Variants in KCNG2 observed in about 807,000 individuals in gnomAD.
KCNG2 encodes potassium voltage-gated channel modifier subfamily G member 2.
A neutral mutation model predicts 12.3 loss-of-function variants in KCNG2; 7 were observed. The observed-to-expected ratio is 0.57, with a 90% confidence interval of 0.32 to 1.07. KCNG2 has a LOEUF of 1.07. Among genes scored for constraint, KCNG2 ranks in the 50% least tolerant of loss-of-function variants. The probability of loss-of-function intolerance (pLI) is 0.04; values close to 1 mark genes in which losing one functional copy is unlikely to be tolerated. For synonymous variants in KCNG2, 414 were observed against 351.4 expected (o/e 1.18, Z -1.99); for missense variants, 703 against 726.0 (o/e 0.97, Z 0.36).
intron 2 of KCNG2, among the ~76,000 whole-genome samples, chr18:79,862,885 C>T (rs1331155285): frequency 6.6e-6 from 1 of 152,206 alleles, no homozygotes; most frequent in Non-Finnish European, 1.5e-5. Flanking sequence ...TCAAAGAGTC[C>T]TGTAGCTTCT....
intron 3 of KCNG2, among the ~76,000 whole-genome samples, chr18:79,882,392 A>G (rs1980332387): frequency 7.4e-6 from 1 of 135,800 alleles, no homozygotes; most frequent in Non-Finnish European, 1.7e-5. Context: ...TGTTAAGAGA[A>G]TGAAAAAACA....
chr18:79,867,781 A>AC (rs1979665607), intron 3 of KCNG2, among the ~76,000 whole-genome samples: 1 of 151,708 alleles, frequency 6.6e-6, no homozygotes, highest in Non-Finnish European at 1.5e-5. Context: ...GGGGTCGGGC[A>AC]CCCCTCCCCT....
chr18:79,877,870 C>T lies in KCNG2; in HGVS notation c.624+13579C>T, dbSNP rs563555529. On this transcript the variant is annotated intron_variant, in intron 3 of 3. Coordinates refer to ENST00000316249, the MANE Select transcript of KCNG2 (RefSeq NM_012283.2). ...CCCAGCCCACTTAGTTTTTCAAAGG[C>T]GGCTGGTCACGGTCCCTGTGCCTGC... Among the ~76,000 whole-genome samples, 57 of 152,358 alleles carry T rather than the reference C, an allele frequency of 3.7e-4. 1 individual carries two copies. Among genetic ancestry groups the T allele is most frequent in the Middle Eastern group, 3.4e-3 (1 of 294 alleles).
intron 3 of KCNG2, among the ~76,000 whole-genome samples, chr18:79,869,732 A>ATTT (rs1173173672): frequency 1.1e-4 from 16 of 152,144 alleles, no homozygotes; most frequent in African/African-American, 3.9e-4. Context: ...ACCAAATCCT[A>ATTT]AACATCTGTG....
intron 1 of KCNG2, among the ~76,000 whole-genome samples, chr18:79,843,314 T>C (rs939611481): frequency 1.3e-5 from 2 of 152,006 alleles, no homozygotes; most frequent in African/African-American, 4.8e-5. Context: ...GCTTAGGGAG[T>C]TTATCACCAC....
In KCNG2 at chr18:79,818,040, C is replaced by T. The variant is rs548153732; in HGVS notation, c.-115+20026C>T. Among the ~76,000 whole-genome samples, 46 of 152,350 alleles carry T rather than the reference C, an allele frequency of 3.0e-4. 2 individuals carry two copies. In the South Asian group the frequency reaches 9.3e-3, roughly 31 times the overall value. ...CCTCGCCAGGTGGGCAGGAGCCTGC[C>T]CCTCGCCCCAGGACAGACGGCCAAG... On this transcript the variant is annotated intron_variant, in intron 1 of 3. Coordinates refer to ENST00000316249, the MANE Select transcript of KCNG2 (RefSeq NM_012283.2).
chr18:79,879,405 GGGAAACACA>G (rs1415555710), intron 3 of KCNG2, among the ~76,000 whole-genome samples: 6 of 152,194 alleles, frequency 3.9e-5, no homozygotes, highest in Non-Finnish European at 5.9e-5. Context: ...ATGGGGCTTG[GGGAAACACA>G]GGAAACATCA....
chr18:79,799,445 T>A (rs2087390697), intron 1 of KCNG2, among the ~76,000 whole-genome samples: 1 of 152,212 alleles, frequency 6.6e-6, no homozygotes, highest in Admixed American at 6.5e-5. Flanking sequence ...TTGCCGGGCT[T>A]TCTTAGGGAA....
At chr18:79,809,876 G>A (rs2087481311) in intron 1 of KCNG2, among the ~76,000 whole-genome samples, 1 of 152,228 alleles carries the variant, frequency 6.6e-6, no homozygotes, top group Admixed American at 6.5e-5. Flanking sequence ...CATTGTTGCC[G>A]GTTTTAAAGC....
At chr18:79,828,878 GTGTA>G (rs1303449310) in intron 1 of KCNG2, among the ~76,000 whole-genome samples, 18 of 142,248 alleles carry the variant, frequency 1.3e-4, no homozygotes, top group Non-Finnish European at 2.1e-4. Context: ...CTATGTGTGC[GTGTA>G]TGTAACATGT....
intron 1 of KCNG2, among the ~76,000 whole-genome samples, chr18:79,834,507 GAAAAAGAC>G (rs1285001923): frequency 1.3e-5 from 2 of 152,174 alleles, no homozygotes; most frequent in African/African-American, 4.8e-5. Flanking sequence ...AAAGGAATGA[GAAAAAGAC>G]AGTTTGAGAG....
chr18:79,898,436 T>A (rs1463833766), intron 3 of KCNG2, among the ~76,000 whole-genome samples: 1 of 152,184 alleles, frequency 6.6e-6, no homozygotes, highest in Non-Finnish European at 1.5e-5. Context: ...GAGTGGGGAC[T>A]GGGCAGGAGG....
In KCNG2 at chr18:79,864,093, G is replaced by T; in HGVS notation, c.426G>T (p.Ala142=). ...GCGCGGGGCCGACGGAGCGCGGGGC[G>T]CAGGGGAGCCCGGCGCGCGCCCTGG... The part of the protein sequence containing the change: ...EARAGPTERG[A]QGSPARALGP... The change falls in exon 3 of 4, where the codon GCG becomes GCT. Residue 142 remains alanine, a synonymous_variant. Coordinates refer to ENST00000316249, the MANE Select transcript of KCNG2 (RefSeq NM_012283.2). 9.2e-7 allele frequency: 1 copy of T among 1,088,834 alleles called. No homozygotes were observed. Among genetic ancestry groups the T allele is most frequent in the South Asian group, 3.8e-5 (1 of 26,356 alleles). The allele number at this position is 1,088,834 out of a possible 1,614,324, so 67.4% of individuals were successfully genotyped here.
In KCNG2 at chr18:79,884,767, G is replaced by T. The variant is rs1193845093; in HGVS notation, c.625-14273G>T. On this transcript the variant is annotated intron_variant, in intron 3 of 3. Transcript: ENST00000316249. The surrounding 1 kb of genome is among the most constrained non-coding windows in gnomAD (Gnocchi z 5.5). ...CGCCCGGCTCTGTGTTCCTCGGGGG[G>T]GCTCATCCTGGGGCCCAGGAACTCG... 2.6e-5 allele frequency among the ~76,000 whole-genome samples: 4 copies of T among 152,184 alleles called. No homozygotes were observed. The highest frequency in any genetic ancestry group is 7.2e-5 in the African/African-American group (3 of 41,450).
intron 2 of KCNG2, among the ~76,000 whole-genome samples, chr18:79,857,744 C>A (rs1201451133): frequency 1.3e-5 from 2 of 152,058 alleles, no homozygotes; most frequent in Non-Finnish European, 2.9e-5. Context: ...GAGACCTACT[C>A]ACTCAGAATG....
At chr18:79,841,901 C>T (rs1216164027) in intron 1 of KCNG2, among the ~76,000 whole-genome samples, 1 of 152,206 alleles carries the variant, frequency 6.6e-6, no homozygotes, top group Non-Finnish European at 1.5e-5. Context: ...TACCACTCTT[C>T]CCCCAAGTCC....
At chr18:79,843,777 T>C (rs1978537636) in intron 1 of KCNG2, among the ~76,000 whole-genome samples, 1 of 152,004 alleles carries the variant, frequency 6.6e-6, no homozygotes, top group Non-Finnish European at 1.5e-5. Flanking sequence ...ATGAAAAAAT[T>C]ATCGCATCAC....
chr18:79,857,048 C>CCACCCCCCCACAGCCGCCCCCGCAG, intron 2 of KCNG2, among the ~76,000 whole-genome samples: 1 of 39,734 alleles, frequency 2.5e-5, no homozygotes, highest in East Asian at 7.5e-4. Flanking sequence ...GACCTCTCTG[C>CCACCCCCCCACAGCCGCCCCCGCAG]CTGCCCCCCA....
At chr18:79,881,430 C>G (rs1393713202) in intron 3 of KCNG2, among the ~76,000 whole-genome samples, 1 of 152,204 alleles carries the variant, frequency 6.6e-6, no homozygotes. Context: ...AAACCCACAA[C>G]AAAGCTTAAG....
Sources: allele counts gnomAD v4.1 joint callset (sites outside exome capture counted in the v4.1 genomes callset), GRCh38; gene constraint gnomAD v4.1.1; non-coding constraint Gnocchi (gnomAD v3.1); transcripts MANE v1.5; gene names NCBI Gene and HGNC (gene_info 2026-07-23, HGNC 2026-07-21).